Variants in SYCP2L observed in about 807,000 individuals in gnomAD.
The protein encoded by SYCP2L is synaptonemal complex protein 2-like.
Under a neutral mutation model 125.8 loss-of-function variants are expected in SYCP2L, and 98 were observed. That is an observed-to-expected ratio of 0.78 (90% CI 0.66 to 0.92). SYCP2L has a LOEUF of 0.92. Ranked by LOEUF, SYCP2L falls within the 40% of genes least tolerant of loss-of-function variation. The probability of loss-of-function intolerance (pLI) is 0.00; values close to 1 mark genes in which losing one functional copy is unlikely to be tolerated. For synonymous variants in SYCP2L, 317 were observed against 325.4 expected, an observed-to-expected ratio of 0.97 and a Z score of 0.28; for missense variants, 842 against 936.4, an observed-to-expected ratio of 0.90 and a Z score of 1.32.
intron 5 of SYCP2L, among the ~76,000 whole-genome samples, 187 bp from the exon 6 acceptor site, chr6:10,898,637 C>G (rs1017174907): frequency 2.6e-5 from 4 of 151,906 alleles, no homozygotes; most frequent in African/African-American, 9.7e-5. Context: ...TATTAGTCAC[C>G]TGATTGAGAG....
chr6:10,930,345 T>G, intron 18 of SYCP2L, 25 bp from the exon 19 acceptor site: 1 of 1,595,924 alleles, frequency 6.3e-7, no homozygotes, highest in South Asian at 1.1e-5. Context: ...CTCTAAAAAT[T>G]CTCATTTATG....
chr6:10,907,826 T>A, intron 10 of SYCP2L, 142 bp downstream of exon 10: 1 of 718,924 alleles, frequency 1.4e-6, no homozygotes, highest in South Asian at 2.0e-5. Context: ...GTTTCTCACT[T>A]AGGAGAAACA....
rs1417110010 is a variant in SYCP2L, at chr6:10,954,578, ATATT to A, written c.1955-535_1955-532del. ...ATAAAAGTGAACATCAGAATAGAAA[ATATT>A]TAGTGTTATGCTGAATTGAAATGGG... On this transcript the variant is annotated intron_variant, in intron 23 of 29. Transcript: ENST00000283141. This position sits in a 1 kb window ranked among gnomAD's most constrained non-coding sequence, Gnocchi z 4.8. 6.6e-6 allele frequency among the ~76,000 whole-genome samples: 1 copy of A among 152,148 alleles called. No homozygotes were observed. Among genetic ancestry groups the A allele is most frequent in the East Asian group, 1.9e-4 (1 of 5,196 alleles).
At chr6:10,900,430 G>A (rs913947182) in intron 6 of SYCP2L, among the ~76,000 whole-genome samples, 2 of 151,392 alleles carry the variant, frequency 1.3e-5, no homozygotes, top group African/African-American at 2.4e-5. Context: ...TCAGCTCACT[G>A]CAACCTCTGC....
chr6:10,942,479 C>T lies in SYCP2L; in HGVS notation c.1834C>T (p.Leu612=). The part of the protein sequence containing the change: ...QKTELQDPHS[L]SELSSLKHSE... ...CTCAGAGCTTCAAGATCCTCACTCA[C>T]TGAGTGAGCTCTCTTCCTTGAAGCA... Residue 612 remains leucine (L), a synonymous_variant, in exon 22 of 30, where the codon CTG becomes TTG. Transcript: ENST00000283141. 1 of 1,592,884 alleles carries T rather than the reference C, an allele frequency of 6.3e-7. No homozygotes were observed. The highest frequency in any genetic ancestry group is 1.9e-5 in the Admixed American group (1 of 53,580).
At chr6:10,925,118 GA>G (rs1317357247) in intron 15 of SYCP2L, among the ~76,000 whole-genome samples, 1 of 152,216 alleles carries the variant, frequency 6.6e-6, no homozygotes, top group Non-Finnish European at 1.5e-5. Flanking sequence ...AATCATGGTA[GA>G]AGGCAAAGGA....
intron 12 of SYCP2L, 116 bp downstream of exon 12, chr6:10,910,985 G>T: frequency 9.3e-7 from 1 of 1,070,466 alleles, no homozygotes; most frequent in Non-Finnish European, 1.4e-6. Context: ...TTTAAAAAAG[G>T]ATGCCAACGT....
intron 2 of SYCP2L, among the ~76,000 whole-genome samples, chr6:10,893,155 C>T (rs947077567): frequency 1.7e-4 from 26 of 152,060 alleles, no homozygotes; most frequent in East Asian, 5.8e-4. Context: ...TGCGCCACCA[C>T]GTCTGGCTAA....
chr6:10,958,379 G>T (rs1781541038), intron 25 of SYCP2L, among the ~76,000 whole-genome samples: 1 of 152,082 alleles, frequency 6.6e-6, no homozygotes. Flanking sequence ...GCAAGGGGCG[G>T]GGAGGTGCCA....
chr6:10,959,586 C>T (rs1781562278), intron 26 of SYCP2L, among the ~76,000 whole-genome samples: 1 of 152,128 alleles, frequency 6.6e-6, no homozygotes, highest in Non-Finnish European at 1.5e-5. Context: ...TAAGAAAACA[C>T]CAGCCAGGCG....
At chr6:10,915,383 A>C (rs1780675760) in intron 14 of SYCP2L, among the ~76,000 whole-genome samples, 1 of 152,164 alleles carries the variant, frequency 6.6e-6, no homozygotes, top group Non-Finnish European at 1.5e-5. Context: ...GAGAGTGGGC[A>C]TCCTTGTCCT....
chr6:10,927,731 G>A (rs1381365761), intron 17 of SYCP2L, among the ~76,000 whole-genome samples: 1 of 152,160 alleles, frequency 6.6e-6, no homozygotes, highest in African/African-American at 2.4e-5. Context: ...GGGTTTGAGA[G>A]CAACCGGTCT....
chr6:10,968,349 C>T (rs9348766), intron 29 of SYCP2L, among the ~76,000 whole-genome samples: 30,341 of 152,076 alleles, frequency 0.2, 3,694 homozygotes, highest in East Asian at 0.27. Context: ...TGATAGGAAC[C>T]AGGGCCCAGT....
intron 4 of SYCP2L, among the ~76,000 whole-genome samples, chr6:10,895,587 G>A (rs1382021904): frequency 6.6e-6 from 1 of 150,904 alleles, no homozygotes; most frequent in Non-Finnish European, 1.5e-5. Flanking sequence ...ACCGTGGCGT[G>A]CCTGGGCATC....
At chr6:10,962,597 A>T (rs1284380489) in intron 28 of SYCP2L, among the ~76,000 whole-genome samples, 4 of 152,158 alleles carry the variant, frequency 2.6e-5, no homozygotes, top group African/African-American at 9.6e-5. Context: ...AATATTTTTC[A>T]TATTAAAAAT....
chr6:10,907,725 T>G, intron 10 of SYCP2L, 41 bp downstream of exon 10: 1 of 1,600,784 alleles, frequency 6.2e-7, no homozygotes, highest in Non-Finnish European at 8.5e-7. Context: ...TAGCCAATAT[T>G]TATTAAGCAT....
chr6:10,913,238 AAG>A (rs2113324226), intron 14 of SYCP2L, among the ~76,000 whole-genome samples: 1 of 152,320 alleles, frequency 6.6e-6, no homozygotes, highest in Non-Finnish European at 1.5e-5. Context: ...TTTGGTTTGA[AAG>A]AGTCTGATGG....
chr6:10,930,239 A>G, intron 18 of SYCP2L, 131 bp from the exon 19 acceptor site: 2 of 874,850 alleles, frequency 2.3e-6, no homozygotes, highest in South Asian at 4.4e-5. Context: ...CTTTGCTTTT[A>G]TATTATATAA....
intron 14 of SYCP2L, among the ~76,000 whole-genome samples, chr6:10,920,292 A>ACTGCAACCTCTGCCTCC (rs1780771862): frequency 6.6e-6 from 1 of 152,156 alleles, no homozygotes; most frequent in Admixed American, 6.5e-5. Context: ...ATCTTGGCTC[A>ACTGCAACCTCTGCCTCC]CTGCAACCTC....
Sources: gnomAD v4.1 joint callset for allele counts (sites outside exome capture counted in the v4.1 genomes callset) on GRCh38, gnomAD v4.1.1 for gene constraint, Gnocchi (gnomAD v3.1) non-coding constraint, MANE v1.5 for transcripts, NCBI Gene and HGNC (gene_info 2026-07-23, HGNC 2026-07-21) for gene names.